Variants in ACSS2 observed in about 807,000 individuals in gnomAD.
ACSS2 encodes acetyl-coenzyme A synthetase, cytoplasmic.
A neutral mutation model predicts 90.6 loss-of-function variants in ACSS2; 58 were observed. The ratio of observed to expected loss-of-function variants is 0.64; its 90% CI spans 0.52 to 0.80. The LOEUF is 0.80. Ranked by LOEUF, ACSS2 falls within the 30% of genes least tolerant of loss-of-function variation. ACSS2 has a pLI of 0.00. For synonymous variants in ACSS2, 300 were observed against 330.9 expected (o/e 0.91, Z 1.01); for missense variants, 759 against 912.0 (o/e 0.83, Z 2.16).
intron 1 of ACSS2, among the ~76,000 whole-genome samples, chr20:34,878,076 G>A (rs1601270467): frequency 6.6e-6 from 1 of 152,288 alleles, no homozygotes; most frequent in East Asian, 1.9e-4. Flanking sequence ...TGGGACTACA[G>A]GCGGACGCCA....
intron 9 of ACSS2, 135 bp downstream of exon 9, chr20:34,920,844 G>A: frequency 5.5e-6 from 8 of 1,460,462 alleles, no homozygotes; most frequent in South Asian, 1.3e-5. Flanking sequence ...AAGTCCTGAG[G>A]GGGTTGCGTA....
chr20:34,913,085 G>T lies in ACSS2; in HGVS notation c.375-11G>T, dbSNP rs1210011287. 3 of 1,608,434 alleles carry T rather than the reference G, an allele frequency of 1.9e-6. No individual in the cohort carries two copies. The highest frequency in any genetic ancestry group is 2.6e-6 in the Non-Finnish European group (3 of 1,174,884). On this transcript the variant is annotated splice_polypyrimidine_tract_variant and intron_variant, in intron 2 of 17. Coordinates refer to ENST00000360596, the MANE Select transcript of ACSS2 (RefSeq NM_018677.4). The stretch of plus-strand genomic sequence containing the variant: ...TACCCCTAATCACTGGTTCTTTCTG[G>T]TATGTCTCAGGGAGGGCAATGAGCC...
Position 34,927,017 on chromosome 20 carries a change from T to C in ACSS2, c.1978+66T>C, listed in dbSNP as rs2081335480. 1 of 1,613,798 alleles carries C rather than the reference T, an allele frequency of 6.2e-7. No homozygotes were observed. The highest frequency in any genetic ancestry group is 1.3e-5 in the African/African-American group (1 of 74,906). On this transcript the variant is annotated intron_variant, in intron 17 of 17. Transcript: ENST00000360596. The surrounding 1 kb of genome is among the most constrained non-coding windows in gnomAD (Gnocchi z 4.2). ...CTGGTGGTGGTGGGGTGTGCGTGGA[T>C]GAAAGCCTTTGGCAGGGCTAGGGTG... is the stretch of plus-strand genomic sequence containing the variant.
chr20:34,915,333 G>T, intron 7 of ACSS2: 1 of 1,584,216 alleles, frequency 6.3e-7, no homozygotes, highest in Non-Finnish European at 8.7e-7. Context: ...TTGCCTGTTT[G>T]CCCCATTGAG....
intron 2 of ACSS2, among the ~76,000 whole-genome samples, chr20:34,900,589 A>C (rs948050288): frequency 3.9e-5 from 6 of 152,142 alleles, no homozygotes; most frequent in African/African-American, 1.4e-4. Context: ...TATTTACTCT[A>C]GTTTCATCAG....
Position 34,913,510 on chromosome 20 carries a change from C to A in ACSS2, c.570+14C>A, listed in dbSNP as rs747791912. The stretch of plus-strand genomic sequence containing the variant: ...CACTCCATTGTGGTAGGAGTTTGGG[C>A]TGGTGAAAAGGGGCAGGCGGGGGGG... On this transcript the variant is annotated intron_variant, in intron 4 of 17. Coordinates refer to ENST00000360596, the MANE Select transcript of ACSS2 (RefSeq NM_018677.4). 1 of 1,604,434 alleles carries A rather than the reference C, an allele frequency of 6.2e-7. No individual in the cohort carries two copies. Among genetic ancestry groups the A allele is most frequent in the Non-Finnish European group, 8.5e-7 (1 of 1,173,604 alleles).
chr20:34,921,914 T>A, intron 13 of ACSS2, 48 bp downstream of exon 13: 12 of 1,575,636 alleles, frequency 7.6e-6, no homozygotes, highest in Non-Finnish European at 1.0e-5. Context: ...GGAAAGGGTC[T>A]GCCAAGGGTA....
intron 2 of ACSS2, among the ~76,000 whole-genome samples, chr20:34,903,584 T>G (rs1474411088): frequency 6.6e-6 from 1 of 152,144 alleles, no homozygotes; most frequent in African/African-American, 2.4e-5. Context: ...CATAACAGGT[T>G]TGGTGTCTCT....
At chr20:34,877,994 C>A (rs1397844161) in intron 1 of ACSS2, among the ~76,000 whole-genome samples, 2 of 152,006 alleles carry the variant, frequency 1.3e-5, no homozygotes, top group Non-Finnish European at 2.9e-5. Flanking sequence ...AGTGCAGTGG[C>A]CCGTTCTAGG....
At chr20:34,888,745 C>T (rs1234654892) in intron 2 of ACSS2, among the ~76,000 whole-genome samples, 1 of 152,094 alleles carries the variant, frequency 6.6e-6, no homozygotes, top group Non-Finnish European at 1.5e-5. Context: ...GACATTTGAG[C>T]AGAGATCTGA....
chr20:34,891,891 C>A (rs1038125911), intron 2 of ACSS2, among the ~76,000 whole-genome samples: 7 of 152,164 alleles, frequency 4.6e-5, no homozygotes, highest in Non-Finnish European at 8.8e-5. Flanking sequence ...ATGTATTGCT[C>A]TGAAGACTCT....
intron 2 of ACSS2, among the ~76,000 whole-genome samples, chr20:34,899,806 T>C (rs2080601929): frequency 6.6e-6 from 1 of 152,120 alleles, no homozygotes; most frequent in Non-Finnish European, 1.5e-5. Flanking sequence ...TCTTTATTCA[T>C]TCCTCAATTG....
chr20:34,907,805 G>C (rs1174656328), intron 2 of ACSS2, among the ~76,000 whole-genome samples: 2 of 152,172 alleles, frequency 1.3e-5, no homozygotes, highest in African/African-American at 4.8e-5. Flanking sequence ...CTCTCTCCCT[G>C]TTCTTTCCCA....
rs185219973 is a variant in ACSS2 at position 34,918,897 on chromosome 20, G to A, written c.835-538G>A. On this transcript the variant is annotated intron_variant, in intron 7 of 17. Transcript: ENST00000360596. ...TTCATCCAACAAAAATTGACTGAGT[G>A]CCAGGCACTTTGCTAGGTGTTGGGA... is the stretch of plus-strand genomic sequence containing the variant. Among the ~76,000 whole-genome samples the A allele has an allele frequency of 1.0e-3, 154 of 152,314 alleles. 2 individuals carry two copies. The highest frequency in any genetic ancestry group is 9.2e-3 in the Admixed American group (141 of 15,306).
intron 7 of ACSS2, chr20:34,915,300 T>TTG (rs1354051994): frequency 6.2e-7 from 1 of 1,612,322 alleles, no homozygotes. Context: ...CTCTGTTTGC[T>TTG]TGTCTGTGTG....
At chr20:34,919,959 A>G (rs1199737726) in intron 8 of ACSS2, among the ~76,000 whole-genome samples, 14 of 152,130 alleles carry the variant, frequency 9.2e-5, no homozygotes, top group Non-Finnish European at 1.5e-5. Flanking sequence ...ATTAACATGT[A>G]GTCCTCTGCC....
At chr20:34,900,498 G>C (rs1238605735) in intron 2 of ACSS2, among the ~76,000 whole-genome samples, 1 of 152,096 alleles carries the variant, frequency 6.6e-6, no homozygotes, top group Non-Finnish European at 1.5e-5. Context: ...TTGAAGACTG[G>C]CCGGTACAGT....
chr20:34,878,875 C>T (rs2079988876), intron 1 of ACSS2, among the ~76,000 whole-genome samples: 1 of 146,920 alleles, frequency 6.8e-6, no homozygotes. Context: ...CTGGCAGTTT[C>T]TAATTAAAAT....
At chr20:34,913,597 A>C (rs2081012591) in intron 4 of ACSS2, 101 bp downstream of exon 4, 2 of 1,298,784 alleles carry the variant, frequency 1.5e-6, no homozygotes, top group African/African-American at 3.0e-5. Context: ...CAAACTAAGG[A>C]GCTTAGAAGG....
Sources: allele counts gnomAD v4.1 joint callset (sites outside exome capture counted in the v4.1 genomes callset), GRCh38; gene constraint gnomAD v4.1.1; non-coding constraint Gnocchi (gnomAD v3.1); transcripts MANE v1.5; gene names NCBI Gene and HGNC (gene_info 2026-07-23, HGNC 2026-07-21).